Variants in DYNLT2 observed in about 807,000 individuals in gnomAD.
The protein encoded by DYNLT2 is dynein light chain Tctex-type protein 2.
Under a neutral mutation model 24.3 loss-of-function variants are expected in DYNLT2, and 24 were observed. That is an observed-to-expected ratio of 0.99 (90% CI 0.71 to 1.39). The LOEUF (loss-of-function observed/expected upper bound fraction) is 1.39. DYNLT2 is among the 40% of genes most tolerant of loss of function. The pLI is 0.00. For missense variants in DYNLT2, 246 were observed against 234.5 expected, an observed-to-expected ratio of 1.05 and a Z score of -0.32; for synonymous variants, 85 against 85.4, an observed-to-expected ratio of 1.00 and a Z score of 0.03.
chr6:169,725,633 G>T, the DYNLT2 span: 10 of 225,064 alleles, frequency 4.4e-5, no homozygotes, highest in East Asian at 3.7e-4. Context: ...GAGTTTAGCG[G>T]TTTTTTTTTT....
Position 169,743,225 on chromosome 6 carries a change from T to A in DYNLT2, c.341A>T (p.Asp114Val), listed in dbSNP as rs762166347. Residue 114 changes from aspartate to valine, a missense_variant, in exon 3 of 4, where the codon GAT (aspartate) becomes GTT (valine). Transcript: ENST00000366774. The stretch of plus-strand genomic sequence containing the variant: ...GAATACTTTATCATCATATTTGACA[T>A]CTTTAAGACTTTCCTTTAAGAAAAT... ...VQQILTESLKDVKYDDKVFSH... is the reference protein window; with the variant it reads ...VQQILTESLKVVKYDDKVFSH... 1.4e-6 allele frequency: 2 copies of A among 1,480,530 alleles called. No individual in the cohort carries two copies. Among genetic ancestry groups the A allele is most frequent in the South Asian group, 3.0e-5 (2 of 67,060 alleles). The allele number at this position is 1,480,530 out of a possible 1,614,324, so 91.7% of individuals were successfully genotyped here.
chr6:169,744,078 T>C lies in DYNLT2; in HGVS notation c.317A>G (p.Gln106Arg). ...QAHSVETKVQ[Q>R]ILTESLKDVK... ...TATTTATCAACCTACTGTTAGTATC[T>C]GCTGGACTTTAGTTTCTACTGAATG... is the stretch of plus-strand genomic sequence containing the variant. Residue 106 changes from glutamine to arginine, a missense_variant, in exon 2 of 4, where the codon CAG becomes CGG. By Grantham distance (43) the Gln-to-Arg change is conservative. Coordinates refer to ENST00000366774, the MANE Select transcript of DYNLT2 (RefSeq NM_174910.3). The C allele has an allele frequency of 6.2e-7, 1 of 1,611,940 alleles. No individual in the cohort carries two copies.
the DYNLT2 span, among the ~76,000 whole-genome samples, chr6:169,734,750 T>G: frequency 1.3e-5 from 2 of 152,208 alleles, no homozygotes; most frequent in Non-Finnish European, 2.9e-5. Context: ...AAGTTTTCTT[T>G]TTTTTTGTTG....
intron 1 of DYNLT2, 59 bp downstream of exon 1, chr6:169,751,280 G>A (rs1453850082): frequency 1.9e-6 from 3 of 1,562,772 alleles, no homozygotes; most frequent in African/African-American, 2.7e-5. Flanking sequence ...ACTGGGGAGC[G>A]ATTTCACTTA....
downstream of DYNLT2, among the ~76,000 whole-genome samples, chr6:169,735,707 A>G (rs1355703977): frequency 1.3e-5 from 2 of 152,100 alleles, no homozygotes; most frequent in Admixed American, 1.3e-4. Context: ...TTCCAATTAT[A>G]TGGTTGATTT....
At chr6:169,736,337 A>G (rs1789562616), downstream of DYNLT2, among the ~76,000 whole-genome samples, 2 of 152,096 alleles carry the variant, frequency 1.3e-5, no homozygotes, top group Admixed American at 6.6e-5. Flanking sequence ...GTATTGTTAT[A>G]TGTGAATTTG....
intron 1 of DYNLT2, among the ~76,000 whole-genome samples, chr6:169,749,169 G>A (rs1789883577): frequency 2.0e-5 from 3 of 151,954 alleles, no homozygotes; most frequent in Admixed American, 1.3e-4. Flanking sequence ...GCATGATCTC[G>A]GCTCACTGCA....
chr6:169,745,301 A>G lies in DYNLT2; in HGVS notation c.121-1027T>C, dbSNP rs925406032. Among the ~76,000 whole-genome samples, 6 of 152,152 alleles carry G rather than the reference A, an allele frequency of 3.9e-5. No individual in the cohort carries two copies. In the South Asian group the frequency reaches 1.0e-3, roughly 26 times the overall value. On this transcript the variant is annotated intron_variant, in intron 1 of 3. Coordinates refer to ENST00000366774, the MANE Select transcript of DYNLT2 (RefSeq NM_174910.3). ...GTATTTTTAGTAGAGACGGGGTTTCACCATGTTAGCCAGTATGGTCTTGAT... is the reference window on the plus strand; with the variant it reads ...GTATTTTTAGTAGAGACGGGGTTTCGCCATGTTAGCCAGTATGGTCTTGAT...
chr6:169,728,299 A>G, the DYNLT2 span, among the ~76,000 whole-genome samples: 1 of 152,252 alleles, frequency 6.6e-6, no homozygotes, highest in South Asian at 2.1e-4. Flanking sequence ...GGAGATTTCA[A>G]TAAGATTAGA....
chr6:169,751,244 T>TG (rs1790035718), intron 1 of DYNLT2, 95 bp downstream of exon 1: 1 of 1,511,926 alleles, frequency 6.6e-7, no homozygotes, highest in African/African-American at 1.4e-5. Flanking sequence ...TCCTTGGCTC[T>TG]GGGGGTGGTG....
downstream of DYNLT2, among the ~76,000 whole-genome samples, chr6:169,737,480 G>T (rs1789585496): frequency 2.0e-5 from 3 of 152,140 alleles, no homozygotes; most frequent in African/African-American, 7.2e-5. Flanking sequence ...CTTTGAGGCT[G>T]CTGACCCTTA....
downstream of DYNLT2, among the ~76,000 whole-genome samples, chr6:169,738,094 C>T (rs1045199185): frequency 1.3e-5 from 2 of 152,242 alleles, no homozygotes; most frequent in African/African-American, 4.8e-5. Flanking sequence ...CAGACTGCCA[C>T]AGCTGGTGTG....
At chr6:169,726,096 CCTGT>C in the DYNLT2 span, among the ~76,000 whole-genome samples, 1 of 152,206 alleles carries the variant, frequency 6.6e-6, no homozygotes, top group African/African-American at 2.4e-5. Flanking sequence ...GTTTGGCAAA[CCTGT>C]CTGTTATTTA....
chr6:169,751,526 C>A lies in DYNLT2; in HGVS notation c.-68G>T. ...CCGGCGGTCAAACGCCCTAGCCAGT[C>A]CCGCGAGGGCGGAAGTCTCCCACCT... On this transcript the variant is annotated 5_prime_UTR_variant, in exon 1 of 4. Coordinates refer to ENST00000366774, the MANE Select transcript of DYNLT2 (RefSeq NM_174910.3). The A allele has an allele frequency of 6.2e-7, 1 of 1,610,536 alleles. No homozygotes were observed. The highest frequency in any genetic ancestry group is 8.5e-7 in the Non-Finnish European group (1 of 1,178,710).
At chr6:169,731,727 T>C in the DYNLT2 span, among the ~76,000 whole-genome samples, 7 of 152,140 alleles carry the variant, frequency 4.6e-5, no homozygotes, top group Non-Finnish European at 7.4e-5. Flanking sequence ...GCTACAGATA[T>C]AACAAATGGA....
In DYNLT2 at chr6:169,744,258, C is replaced by G. The variant is rs747605467; in HGVS notation, c.137G>C (p.Arg46Thr). 1.7e-5 allele frequency: 28 copies of G among 1,613,244 alleles called. No homozygotes were observed. The highest frequency in any genetic ancestry group is 2.4e-5 in the Non-Finnish European group (28 of 1,179,830). The stretch of plus-strand genomic sequence containing the variant: ...GTGAATTGACTCTCTCAGTCTTTCT[C>G]TTAAAATCTGTGTATACTGGAGGAG... ...FEKEAYTQIL[R>T]ERLRESIHNV... Residue 46 changes from arginine to threonine, a missense_variant, in exon 2 of 4, where the codon AGA (arginine) becomes ACA (threonine). Arg to Thr is a moderately conservative substitution (Grantham distance 71). Coordinates refer to ENST00000366774, the MANE Select transcript of DYNLT2 (RefSeq NM_174910.3).
chr6:169,728,970 C>T, the DYNLT2 span, among the ~76,000 whole-genome samples: 1 of 152,158 alleles, frequency 6.6e-6, no homozygotes, highest in East Asian at 1.9e-4. Context: ...TTTGTCACAG[C>T]CACTTTAATC....
At chr6:169,725,365 G>A in the DYNLT2 span, 9 of 398,390 alleles carry the variant, frequency 2.3e-5, no homozygotes, top group African/African-American at 1.9e-4. Context: ...TTATTCTAGC[G>A]CGTCACATTG....
chr6:169,736,942 T>C (rs1330060372), downstream of DYNLT2, among the ~76,000 whole-genome samples: 1 of 151,390 alleles, frequency 6.6e-6, no homozygotes, highest in African/African-American at 2.4e-5. Flanking sequence ...CATCTCCTTC[T>C]GCTACTCCAA....
Sources: gnomAD v4.1 joint callset for allele counts (sites outside exome capture counted in the v4.1 genomes callset) on GRCh38, gnomAD v4.1.1 for gene constraint, MANE v1.5 for transcripts, NCBI Gene and HGNC (gene_info 2026-07-23, HGNC 2026-07-21) for gene names.